STARD3NL: variants seen among roughly 807,000 people sequenced by gnomAD.
STARD3NL encodes STARD3 N-terminal like, also known as STARD3 N-terminal-like protein.
STARD3NL carries 17 observed loss-of-function variants against 30.9 expected under a neutral mutation model. That is an observed-to-expected ratio of 0.55 (90% CI 0.38 to 0.82). The LOEUF (loss-of-function observed/expected upper bound fraction) is 0.82, where lower values mean the gene tolerates loss of function less well. Ranked by LOEUF, STARD3NL falls within the 40% of genes least tolerant of loss-of-function variation. STARD3NL has a pLI of 0.00. For synonymous variants in STARD3NL, 112 were observed against 100.5 expected, an observed-to-expected ratio of 1.11 and a Z score of -0.69; for missense variants, 234 against 277.6, an observed-to-expected ratio of 0.84 and a Z score of 1.12.
At chr7:38,179,577 T>G (rs901463708) in intron 1 of STARD3NL, among the ~76,000 whole-genome samples, 1 of 152,204 alleles carries the variant, frequency 6.6e-6, no homozygotes, top group African/African-American at 2.4e-5. Context: ...CCTGAGTGAT[T>G]GTCTATGCCA....
chr7:38,228,148 G>A (rs1433916033), intron 7 of STARD3NL, among the ~76,000 whole-genome samples: 1 of 152,140 alleles, frequency 6.6e-6, no homozygotes, highest in Non-Finnish European at 1.5e-5. Context: ...GTGGATACAA[G>A]ATATGTTATG....
intron 4 of STARD3NL, chr7:38,215,697 C>G (rs1786067517): frequency 6.6e-6 from 1 of 152,372 alleles, no homozygotes; most frequent in South Asian, 2.1e-4. Context: ...TTCTGCCTGA[C>G]AGATGTCTGA....
At chr7:38,205,048 A>C (rs1785380696) in intron 1 of STARD3NL, among the ~76,000 whole-genome samples, 2 of 152,248 alleles carry the variant, frequency 1.3e-5, no homozygotes, top group Admixed American at 6.5e-5. Flanking sequence ...GCCGAATTGT[A>C]CCAGAGGTAC....
rs968446356 is a variant in STARD3NL at position 38,206,092 on chromosome 7, G to A, written c.-58-1355G>A. 3.3e-5 allele frequency among the ~76,000 whole-genome samples: 5 copies of A among 152,306 alleles called. No homozygotes were observed. In the East Asian group the frequency reaches 9.6e-4, roughly 29 times the overall value. On this transcript the variant is annotated intron_variant, in intron 1 of 8. Coordinates refer to ENST00000009041, the MANE Select transcript of STARD3NL (RefSeq NM_032016.4). The stretch of plus-strand genomic sequence containing the variant: ...TGAGTGTGGAAAGGAAGAGAAATCA[G>A]GGTCAAGTGTAAAGAGACGAAGTTC...
intron 8 of STARD3NL, 88 bp from the exon 9 acceptor site, chr7:38,229,835 C>CA (rs1385599299): frequency 6.6e-6 from 1 of 152,198 alleles, no homozygotes; most frequent in African/African-American, 2.4e-5. Context: ...CTTCAGCACA[C>CA]AGACTTTTAT....
intron 1 of STARD3NL, among the ~76,000 whole-genome samples, chr7:38,182,783 T>C (rs1306169058): frequency 6.6e-6 from 1 of 152,174 alleles, no homozygotes; most frequent in African/African-American, 2.4e-5. Flanking sequence ...TCAAGTTCAG[T>C]AGGCTCTTTA....
intron 1 of STARD3NL, among the ~76,000 whole-genome samples, chr7:38,205,066 A>G (rs1343193821): frequency 6.6e-6 from 1 of 152,232 alleles, no homozygotes; most frequent in Non-Finnish European, 1.5e-5. Context: ...TACAAGGAGG[A>G]GCTGGTACCA....
intron 1 of STARD3NL, among the ~76,000 whole-genome samples, chr7:38,196,510 A>G (rs1784903897): frequency 6.6e-6 from 1 of 152,126 alleles, no homozygotes; most frequent in African/African-American, 2.4e-5. Flanking sequence ...GATGATATAT[A>G]TCTATGGAAT....
Position 38,217,179 on chromosome 7 carries a change from A to G in STARD3NL, c.436-9A>G, listed in dbSNP as rs1786171692. On this transcript the variant is annotated splice_polypyrimidine_tract_variant and intron_variant, in intron 5 of 8. Transcript: ENST00000009041. ...AACTGCATTTCCCTTTCCTGGTCGT[A>G]TTTTCCAGCTTTTCTCTCAAGGGGC... 6.2e-7 allele frequency: 1 copy of G among 1,613,720 alleles called. No individual in the cohort carries two copies.
intron 1 of STARD3NL, among the ~76,000 whole-genome samples, chr7:38,191,933 T>C (rs1156986757): frequency 6.6e-6 from 1 of 152,146 alleles, no homozygotes; most frequent in Non-Finnish European, 1.5e-5. Flanking sequence ...ATGGTGGGAT[T>C]ATGATTGGGA....
At chr7:38,194,680 C>T (rs6969307) in intron 1 of STARD3NL, among the ~76,000 whole-genome samples, 125,840 of 152,042 alleles carry the variant, frequency 0.83, 52,238 homozygotes, top group African/African-American at 0.88. Flanking sequence ...AATAGTACTA[C>T]GTTATGGAAG....
intron 1 of STARD3NL, among the ~76,000 whole-genome samples, chr7:38,199,007 A>G (rs551765958): frequency 6.6e-6 from 1 of 152,392 alleles, no homozygotes; most frequent in East Asian, 1.9e-4. Flanking sequence ...TAGCTGACTG[A>G]TAATGTAGTA....
intron 1 of STARD3NL, among the ~76,000 whole-genome samples, chr7:38,187,064 A>C (rs1470138577): frequency 6.6e-6 from 1 of 152,154 alleles, no homozygotes; most frequent in South Asian, 2.1e-4. Flanking sequence ...AACATTCTTA[A>C]TCCTCAGGGC....
At chr7:38,180,091 T>C (rs951690450) in intron 1 of STARD3NL, among the ~76,000 whole-genome samples, 1 of 152,230 alleles carries the variant, frequency 6.6e-6, no homozygotes, top group African/African-American at 2.4e-5. Flanking sequence ...AAGGGAAAGA[T>C]AATTTGTGTA....
chr7:38,197,562 T>C (rs1583789382), intron 1 of STARD3NL, among the ~76,000 whole-genome samples: 1 of 152,220 alleles, frequency 6.6e-6, no homozygotes, highest in East Asian at 1.9e-4. Context: ...GTTTTCAAAA[T>C]GTAGACAGCC....
chr7:38,223,503 G>T (rs973228618), intron 7 of STARD3NL, among the ~76,000 whole-genome samples: 1 of 152,098 alleles, frequency 6.6e-6, no homozygotes. Context: ...GCATAATATA[G>T]CCTGTCCTGT....
intron 1 of STARD3NL, chr7:38,202,133 T>G (rs1405970600): frequency 6.6e-6 from 1 of 152,264 alleles, no homozygotes; most frequent in Non-Finnish European, 1.5e-5. Flanking sequence ...GAGCTGCTAC[T>G]GGGGAATATG....
At chr7:38,189,037 C>T (rs1562597693) in intron 1 of STARD3NL, among the ~76,000 whole-genome samples, 1 of 152,078 alleles carries the variant, frequency 6.6e-6, no homozygotes, top group Non-Finnish European at 1.5e-5. Flanking sequence ...CACACAATTA[C>T]TTTTATCTGC....
intron 1 of STARD3NL, among the ~76,000 whole-genome samples, chr7:38,193,280 T>TG: frequency 7.5e-6 from 1 of 133,352 alleles, no homozygotes; most frequent in Admixed American, 7.9e-5. Context: ...TAGGATTAGT[T>TG]TTTTGTTGTT....
Sources: gnomAD v4.1 joint callset for allele counts (sites outside exome capture counted in the v4.1 genomes callset) on GRCh38, gnomAD v4.1.1 for gene constraint, MANE v1.5 for transcripts, NCBI Gene and HGNC (gene_info 2026-07-23, HGNC 2026-07-21) for gene names.